PDE4D: variants seen among roughly 807,000 people sequenced by gnomAD.
PDE4D encodes the protein phosphodiesterase 4D.
A neutral mutation model predicts 87.4 loss-of-function variants in PDE4D; 24 were observed. The ratio of observed to expected loss-of-function variants is 0.27; its 90% CI spans 0.20 to 0.39. PDE4D has a LOEUF of 0.39. Ranked by LOEUF, PDE4D falls within the 10% of genes least tolerant of loss-of-function variation. The pLI is 1.00. For missense variants in PDE4D, 714 were observed against 1,041.0 expected, an observed-to-expected ratio of 0.69 and a Z score of 4.32; for synonymous variants, 384 against 383.2, an observed-to-expected ratio of 1.00 and a Z score of -0.02.
intron 2 of PDE4D, among the ~76,000 whole-genome samples, chr5:60,140,156 T>C (rs1398595389): frequency 2.0e-5 from 3 of 152,134 alleles, no homozygotes; most frequent in East Asian, 3.8e-4. Context: ...CAATTAATTG[T>C]TGCAGACCAT....
At chr5:59,865,508 TG>T (rs1238053315) in intron 1 of PDE4D, among the ~76,000 whole-genome samples, 5 of 152,194 alleles carry the variant, frequency 3.3e-5, no homozygotes, top group Non-Finnish European at 5.9e-5. Context: ...AAGAGAAATG[TG>T]TAGCCTAGGT....
chr5:60,172,579 C>T (rs1313621923), intron 2 of PDE4D, among the ~76,000 whole-genome samples: 1 of 151,994 alleles, frequency 6.6e-6, no homozygotes, highest in Non-Finnish European at 1.5e-5. Flanking sequence ...CAGCTTGAGG[C>T]AAAATTGTTA....
At chr5:59,762,062 CAT>C (rs1247859171) in intron 1 of PDE4D, among the ~76,000 whole-genome samples, 2 of 151,772 alleles carry the variant, frequency 1.3e-5, no homozygotes, top group Non-Finnish European at 2.9e-5. Context: ...AATGCTGTTA[CAT>C]GTGTGTACTG....
chr5:59,950,669 T>G (rs1415116681), intron 3 of PDE4D, among the ~76,000 whole-genome samples: 2 of 152,166 alleles, frequency 1.3e-5, no homozygotes, highest in East Asian at 1.9e-4. Flanking sequence ...TTCCCTTGAC[T>G]GAGTCTAGGC....
chr5:60,080,037 C>T (rs1440530157), intron 2 of PDE4D, among the ~76,000 whole-genome samples: 1 of 152,066 alleles, frequency 6.6e-6, no homozygotes, highest in East Asian at 1.9e-4. Flanking sequence ...TTGTTTGTGT[C>T]CTCTCTTATT....
intron 1 of PDE4D, among the ~76,000 whole-genome samples, chr5:59,494,470 A>C (rs1241078485): frequency 1.3e-5 from 2 of 152,058 alleles, no homozygotes; most frequent in African/African-American, 4.8e-5. Flanking sequence ...AAAACAAAAC[A>C]AACAAACAAA....
intron 1 of PDE4D, among the ~76,000 whole-genome samples, chr5:59,847,959 T>C (rs1217069638): frequency 6.6e-6 from 1 of 152,120 alleles, no homozygotes; most frequent in African/African-American, 2.4e-5. Flanking sequence ...TATTTCATTA[T>C]GTTTCTTATT....
chr5:59,261,370 A>C (rs2153535684), intron 1 of PDE4D, among the ~76,000 whole-genome samples: 1 of 151,996 alleles, frequency 6.6e-6, no homozygotes, highest in African/African-American at 2.4e-5. Context: ...ATATAACAGC[A>C]CTCAAGCATA....
intron 1 of PDE4D, among the ~76,000 whole-genome samples, chr5:59,308,139 C>T (rs1771793331): frequency 1.3e-5 from 2 of 150,144 alleles, no homozygotes; most frequent in African/African-American, 2.5e-5. Context: ...CATGTTCTCA[C>T]TCATAGGTGG....
intron 1 of PDE4D, among the ~76,000 whole-genome samples, chr5:59,348,578 T>C (rs1011308635): frequency 2.0e-5 from 3 of 151,920 alleles, no homozygotes; most frequent in Admixed American, 2.0e-4. Flanking sequence ...AGTTTATTTC[T>C]TTAGCTCAAC....
chr5:59,093,443 T>A (rs1358028527), intron 5 of PDE4D, among the ~76,000 whole-genome samples: 2 of 152,206 alleles, frequency 1.3e-5, no homozygotes, highest in Non-Finnish European at 2.9e-5. Context: ...CTATAGAGTT[T>A]GCAATAAGAA....
intron 3 of PDE4D, among the ~76,000 whole-genome samples, chr5:59,974,850 T>C (rs1346528608): frequency 6.6e-6 from 1 of 152,146 alleles, no homozygotes; most frequent in Non-Finnish European, 1.5e-5. Flanking sequence ...TTCAATCAGT[T>C]TCTCTGGATC....
At chr5:60,274,237 A>G (rs1396145013) in intron 1 of PDE4D, among the ~76,000 whole-genome samples, 1 of 152,210 alleles carries the variant, frequency 6.6e-6, no homozygotes, top group East Asian at 1.9e-4. Flanking sequence ...ACAATAAGGG[A>G]TAAAACCATC....
chr5:59,439,498 T>C (rs753156079), intron 1 of PDE4D, among the ~76,000 whole-genome samples: 2 of 152,166 alleles, frequency 1.3e-5, no homozygotes, highest in Non-Finnish European at 2.9e-5. Context: ...CCATGACACT[T>C]AGGCCTTATT....
intron 5 of PDE4D, among the ~76,000 whole-genome samples, chr5:59,085,887 A>G (rs896750325): frequency 5.9e-5 from 9 of 152,200 alleles, no homozygotes; most frequent in Non-Finnish European, 1.3e-4. Flanking sequence ...TGATACTTTT[A>G]GAATAGGTAA....
At chr5:60,289,092 A>C (rs924691470) in intron 1 of PDE4D, among the ~76,000 whole-genome samples, 5 of 152,208 alleles carry the variant, frequency 3.3e-5, no homozygotes, top group African/African-American at 1.2e-4. Flanking sequence ...ACGTTTTTGC[A>C]GCTAAAAGAA....
At chr5:60,470,411 T>C (rs994361235) in intron 1 of PDE4D, among the ~76,000 whole-genome samples, 2 of 152,234 alleles carry the variant, frequency 1.3e-5, no homozygotes. Context: ...AGATAACAAA[T>C]GAAGGTAGCT....
At chr5:60,104,508 G>A (rs1261952252) in intron 2 of PDE4D, among the ~76,000 whole-genome samples, 3 of 152,234 alleles carry the variant, frequency 2.0e-5, no homozygotes, top group African/African-American at 7.2e-5. Flanking sequence ...GAAGAGAGCA[G>A]TGGTTCTCCC....
At chr5:59,394,883 A>G (rs374713) in intron 1 of PDE4D, among the ~76,000 whole-genome samples, 63,367 of 151,372 alleles carry the variant, frequency 0.42, 13,625 homozygotes, top group East Asian at 0.49. Context: ...CGCACCGTGC[A>G]CAAGCCGAAG....
Sources: allele counts gnomAD v4.1 joint callset (sites outside exome capture counted in the v4.1 genomes callset), GRCh38; gene constraint gnomAD v4.1.1; transcripts MANE v1.5; gene names NCBI Gene and HGNC (gene_info 2026-07-23, HGNC 2026-07-21).